Variants in SLC25A21 observed in about 807,000 individuals in gnomAD.
SLC25A21 encodes solute carrier family 25 member 21.
A neutral mutation model predicts 43.8 loss-of-function variants in SLC25A21; 47 were observed. That is an observed-to-expected ratio of 1.07 (90% confidence interval 0.85 to 1.37). The LOEUF (loss-of-function observed/expected upper bound fraction) is 1.37, where lower values mean the gene tolerates loss of function less well. Ranked by LOEUF, SLC25A21 falls within the 40% of genes most tolerant of loss-of-function variation. The probability of loss-of-function intolerance (pLI) is 0.00; values close to 1 mark genes in which losing one functional copy is unlikely to be tolerated. For synonymous variants in SLC25A21, 131 were observed against 121.3 expected (o/e 1.08, Z -0.52); for missense variants, 352 against 350.2 (o/e 1.00, Z -0.04).
chr14:36,776,524 G>A (rs146592090), intron 3 of SLC25A21, among the ~76,000 whole-genome samples: 4 of 152,004 alleles, frequency 2.6e-5, no homozygotes, highest in Middle Eastern at 3.4e-3. Context: ...TTACAAGCGT[G>A]AGCCACCGCG....
chr14:36,700,731 C>T (rs1005897046), intron 7 of SLC25A21, among the ~76,000 whole-genome samples: 1 of 152,154 alleles, frequency 6.6e-6, no homozygotes, highest in African/African-American at 2.4e-5. Context: ...GAGCCTGACA[C>T]ATCATAGGTA....
intron 3 of SLC25A21, among the ~76,000 whole-genome samples, chr14:36,768,485 C>T (rs561704721): frequency 1.4e-4 from 22 of 151,992 alleles, no homozygotes; most frequent in African/African-American, 5.3e-4. Flanking sequence ...TCATTCTCAC[C>T]CCACCGTCGC....
At chr14:36,893,848 G>A (rs1002890393) in intron 1 of SLC25A21, among the ~76,000 whole-genome samples, 1 of 152,140 alleles carries the variant, frequency 6.6e-6, no homozygotes. Flanking sequence ...TCAGATGGTT[G>A]TAGATATGCA....
At chr14:37,124,303 T>C (rs1365198044) in intron 1 of SLC25A21, among the ~76,000 whole-genome samples, 1 of 152,172 alleles carries the variant, frequency 6.6e-6, no homozygotes, top group East Asian at 1.9e-4. Context: ...TCTTATTTTA[T>C]TTTTCCTTCA....
At chr14:37,073,954 ATC>A (rs141694916) in intron 1 of SLC25A21, among the ~76,000 whole-genome samples, 3,024 of 152,040 alleles carry the variant, frequency 0.02, 112 homozygotes, top group African/African-American at 0.07. Flanking sequence ...CATTTTGTGC[ATC>A]TGAGAAAAAA....
chr14:37,164,326 TTCC>T (rs1048804062), intron 1 of SLC25A21, among the ~76,000 whole-genome samples: 1 of 152,220 alleles, frequency 6.6e-6, no homozygotes, highest in Non-Finnish European at 1.5e-5. Flanking sequence ...ATAGGGTTGC[TTCC>T]TCCTATGTGC....
At chr14:36,727,161 C>T (rs184127990) in intron 5 of SLC25A21, among the ~76,000 whole-genome samples, 6 of 152,248 alleles carry the variant, frequency 3.9e-5, no homozygotes, top group East Asian at 1.9e-4. Flanking sequence ...GGAGAGGCAT[C>T]GGTCAGGAGA....
chr14:37,107,419 G>C (rs1316303077), intron 1 of SLC25A21, among the ~76,000 whole-genome samples: 1 of 152,030 alleles, frequency 6.6e-6, no homozygotes, highest in South Asian at 2.1e-4. Context: ...CTGGAGTCAA[G>C]CGGTCCTCCC....
chr14:37,016,970 G>C (rs1371382490), intron 1 of SLC25A21, among the ~76,000 whole-genome samples: 1 of 152,060 alleles, frequency 6.6e-6, no homozygotes, highest in Non-Finnish European at 1.5e-5. Context: ...TTTGGCTTAA[G>C]GGAAGGCCAT....
At chr14:37,152,827 C>T (rs892417741) in intron 1 of SLC25A21, among the ~76,000 whole-genome samples, 1 of 152,056 alleles carries the variant, frequency 6.6e-6, no homozygotes, top group Non-Finnish European at 1.5e-5. Context: ...GAAGACTAAT[C>T]AAATAGGGGA....
In SLC25A21 at chr14:36,714,335, G is replaced by A. The variant is rs561994530; in HGVS notation, c.439-2853C>T. Reference sequence around the variant, plus strand: ...CAGACCTTTGTGATAAAGTCCACCAGAAATGCATGCAGAATGCAAGATAAC... The same window carrying A: ...CAGACCTTTGTGATAAAGTCCACCAAAAATGCATGCAGAATGCAAGATAAC... On this transcript the variant is annotated intron_variant, in intron 6 of 9. Coordinates refer to ENST00000331299, the MANE Select transcript of SLC25A21 (RefSeq NM_030631.4). Among the ~76,000 whole-genome samples the A allele has an allele frequency of 6.6e-5, 10 of 152,306 alleles. No homozygotes were observed. The East Asian group carries it at 1.9e-3, about 29-fold the overall frequency.
intron 3 of SLC25A21, among the ~76,000 whole-genome samples, chr14:36,768,919 A>G (rs1009532908): frequency 1.7e-4 from 24 of 137,426 alleles, no homozygotes; most frequent in Non-Finnish European, 7.6e-5. Flanking sequence ...ACAAAGTGAG[A>G]CCTCTGTCTC....
intron 3 of SLC25A21, among the ~76,000 whole-genome samples, chr14:36,772,945 A>C (rs1886677677): frequency 6.6e-6 from 1 of 152,336 alleles, no homozygotes; most frequent in Non-Finnish European, 1.5e-5. Context: ...GCCTATACAA[A>C]TTGCCTCATT....
chr14:37,141,993 T>A (rs1963580010), intron 1 of SLC25A21, among the ~76,000 whole-genome samples: 1 of 152,190 alleles, frequency 6.6e-6, no homozygotes, highest in Non-Finnish European at 1.5e-5. Flanking sequence ...GGCCTCTGCA[T>A]CTTTTCATGT....
chr14:36,704,947 T>C (rs1566516601), intron 7 of SLC25A21, among the ~76,000 whole-genome samples: 1 of 152,204 alleles, frequency 6.6e-6, no homozygotes, highest in Non-Finnish European at 1.5e-5. Context: ...AGTCGGGATA[T>C]TTTTCTGTGA....
chr14:36,808,692 C>T (rs1888128589), intron 3 of SLC25A21, among the ~76,000 whole-genome samples: 1 of 152,112 alleles, frequency 6.6e-6, no homozygotes, highest in Non-Finnish European at 1.5e-5. Context: ...TTATACAAAA[C>T]ATGGGCATGA....
chr14:36,735,475 C>T (rs1054401159), intron 3 of SLC25A21, among the ~76,000 whole-genome samples: 1 of 53,416 alleles, frequency 1.9e-5, no homozygotes, highest in Admixed American at 2.7e-4. Context: ...GAGTCCATAA[C>T]ATGTCCCTAA....
intron 3 of SLC25A21, among the ~76,000 whole-genome samples, chr14:36,789,827 A>ATATATT: frequency 8.7e-6 from 1 of 115,370 alleles, no homozygotes; most frequent in Non-Finnish European, 1.7e-5. Context: ...AATATATTTT[A>ATATATT]TATATTTATA....
chr14:36,811,745 A>T lies in SLC25A21; in HGVS notation c.203+2173T>A, dbSNP rs1888275618. Among the ~76,000 whole-genome samples the T allele has an allele frequency of 2.0e-5, 3 of 152,244 alleles. No individual in the cohort carries two copies. In the South Asian group the frequency reaches 6.2e-4, roughly 31 times the overall value. On this transcript the variant is annotated intron_variant, in intron 3 of 9. Coordinates refer to ENST00000331299, the MANE Select transcript of SLC25A21 (RefSeq NM_030631.4). ...TTTTTCAGCAAGTGGTGTTTGGACAACTGACTGACCATTTCAAAATGAAAT... is the reference window on the plus strand; with the variant it reads ...TTTTTCAGCAAGTGGTGTTTGGACATCTGACTGACCATTTCAAAATGAAAT...
Sources: gnomAD v4.1 joint callset for allele counts (sites outside exome capture counted in the v4.1 genomes callset) on GRCh38, gnomAD v4.1.1 for gene constraint, MANE v1.5 for transcripts, NCBI Gene and HGNC (gene_info 2026-07-23, HGNC 2026-07-21) for gene names.